SYCE3: variants seen among roughly 807,000 people sequenced by gnomAD.
SYCE3 encodes the protein synaptonemal complex central element protein 3.
A neutral mutation model predicts 8.1 loss-of-function variants in SYCE3; 3 were observed. That is an observed-to-expected ratio of 0.37 (90% CI 0.17 to 0.96). The LOEUF (loss-of-function observed/expected upper bound fraction) is 0.96. Among genes scored for constraint, SYCE3 ranks in the 40% least tolerant of loss-of-function variants. SYCE3 has a pLI of 0.41. For missense variants in SYCE3, 83 were observed against 110.0 expected, an observed-to-expected ratio of 0.75 and a Z score of 1.10; for synonymous variants, 36 against 38.7, an observed-to-expected ratio of 0.93 and a Z score of 0.26.
In SYCE3 at chr22:50,551,229, G is replaced by A. The variant is rs1248529671; in HGVS notation, c.*16C>T. On this transcript the variant is annotated 3_prime_UTR_variant, in exon 3 of 3. Transcript: ENST00000406915. ...GGGCAGAGGGTGGCATGGCAGCTGT[G>A]GTGGGCCAGTGGGGCCTACAGCCTT... 6.5e-7 allele frequency: 1 copy of A among 1,550,316 alleles called. No homozygotes were observed. The highest frequency in any genetic ancestry group is 2.0e-5 in the Admixed American group (1 of 50,956).
chr22:50,555,984 GA>G (rs1212010687), intron 2 of SYCE3, among the ~76,000 whole-genome samples: 1 of 151,926 alleles, frequency 6.6e-6, no homozygotes, highest in African/African-American at 2.4e-5. Context: ...TAGTAGAGAC[GA>G]GGTTTTACTG....
chr22:50,559,539 T>A (rs763301750), intron 1 of SYCE3, among the ~76,000 whole-genome samples: 1 of 152,120 alleles, frequency 6.6e-6, no homozygotes, highest in African/African-American at 2.4e-5. Flanking sequence ...GTGTTGAGAA[T>A]AGACTAAGGG....
intron 2 of SYCE3, among the ~76,000 whole-genome samples, chr22:50,553,806 C>T (rs2069832866): frequency 6.6e-6 from 1 of 152,102 alleles, no homozygotes; most frequent in Non-Finnish European, 1.5e-5. Context: ...TGGTCTCAAA[C>T]TCCTGACCTT....
chr22:50,551,527 A>C (rs1379646548), intron 2 of SYCE3, 125 bp from the exon 3 acceptor site: 2 of 1,014,362 alleles, frequency 2.0e-6, no homozygotes. Flanking sequence ...TGAGGCACCC[A>C]ATTACTCTAG....
chr22:50,555,089 T>G (rs972390686), intron 2 of SYCE3, among the ~76,000 whole-genome samples: 1 of 119,510 alleles, frequency 8.4e-6, no homozygotes, highest in Non-Finnish European at 1.7e-5. Flanking sequence ...GCCACTGTAC[T>G]CCAGCCTGGG....
chr22:50,559,370 C>T (rs184958464), intron 1 of SYCE3, among the ~76,000 whole-genome samples: 28 of 152,206 alleles, frequency 1.8e-4, no homozygotes, highest in Middle Eastern at 3.4e-3. Context: ...TCAGGTGATC[C>T]GCCTGCTTCG....
intron 1 of SYCE3, among the ~76,000 whole-genome samples, chr22:50,560,538 C>T (rs1482805312): frequency 7.0e-6 from 1 of 143,614 alleles, no homozygotes; most frequent in African/African-American, 2.5e-5. Context: ...TTCAGGAGAG[C>T]CATAAAAGTA....
At chr22:50,560,314 C>T (rs540402262) in intron 1 of SYCE3, among the ~76,000 whole-genome samples, 2 of 152,224 alleles carry the variant, frequency 1.3e-5, no homozygotes, top group East Asian at 3.9e-4. Flanking sequence ...GCCCGGGCAA[C>T]AGTCTCTACA....
rs867488763 is a variant in SYCE3, at chr22:50,558,190, G to A, written c.1-1785C>T. 4.6e-5 allele frequency among the ~76,000 whole-genome samples: 7 copies of A among 152,200 alleles called. 1 individual carries two copies. The South Asian group carries it at 1.0e-3, about 22-fold the overall frequency. On this transcript the variant is annotated intron_variant, in intron 1 of 2. Transcript: ENST00000406915. The stretch of plus-strand genomic sequence containing the variant: ...TGTAATCCCAACACTTTGGGAGGCC[G>A]AGGTGGGTGGATCACCTGAGGTCAG...
At chr22:50,560,875 G>T (rs558363921) in intron 1 of SYCE3, among the ~76,000 whole-genome samples, 1 of 152,174 alleles carries the variant, frequency 6.6e-6, no homozygotes, top group Non-Finnish European at 1.5e-5. Context: ...GATGGCAAGG[G>T]GGGGATTTCA....
intron 1 of SYCE3, among the ~76,000 whole-genome samples, chr22:50,556,977 T>G (rs2069866056): frequency 6.6e-6 from 1 of 151,992 alleles, no homozygotes; most frequent in Non-Finnish European, 1.5e-5. Flanking sequence ...TTAAAAAAAA[T>G]TATAATCAAC....
intron 2 of SYCE3, among the ~76,000 whole-genome samples, chr22:50,554,824 C>T (rs2069843532): frequency 6.7e-6 from 1 of 150,316 alleles, no homozygotes; most frequent in Non-Finnish European, 1.5e-5. Context: ...GAAACCCTGT[C>T]TCTATTAAAA....
chr22:50,554,242 G>T (rs1206416320), intron 2 of SYCE3, among the ~76,000 whole-genome samples: 3 of 150,318 alleles, frequency 2.0e-5, no homozygotes, highest in African/African-American at 7.3e-5. Flanking sequence ...TGGCATGCCA[G>T]ATGGGTTAGG....
chr22:50,562,595 GA>G (rs1035736147), intron 1 of SYCE3, among the ~76,000 whole-genome samples: 2 of 91,432 alleles, frequency 2.2e-5, no homozygotes, highest in Non-Finnish European at 4.5e-5. Flanking sequence ...GAGGCGGGGT[GA>G]GGGGTGAGGG....
At chr22:50,559,842 C>T (rs2069896943) in intron 1 of SYCE3, among the ~76,000 whole-genome samples, 1 of 152,136 alleles carries the variant, frequency 6.6e-6, no homozygotes, top group Non-Finnish European at 1.5e-5. Flanking sequence ...GCAGAAGAAT[C>T]CCTTGAACCC....
At chr22:50,557,314 G>A (rs560715822) in intron 1 of SYCE3, among the ~76,000 whole-genome samples, 3 of 151,928 alleles carry the variant, frequency 2.0e-5, no homozygotes, top group South Asian at 2.1e-4. Context: ...GTGCCACCAC[G>A]CCCGGCTAAT....
At chr22:50,556,467 T>G in intron 1 of SYCE3, 62 bp from the exon 2 acceptor site, 1 of 1,143,694 alleles carries the variant, frequency 8.7e-7, no homozygotes, top group South Asian at 1.4e-5. Flanking sequence ...CCAGCTCCAC[T>G]GGTTATAACT....
intron 1 of SYCE3, among the ~76,000 whole-genome samples, chr22:50,561,446 T>A (rs568902047): frequency 4.8e-5 from 7 of 145,912 alleles, no homozygotes; most frequent in African/African-American, 1.8e-4. Context: ...TGGGAACGGG[T>A]GGAGAAAGAG....
intron 2 of SYCE3, among the ~76,000 whole-genome samples, chr22:50,555,258 G>A (rs968864770): frequency 6.6e-6 from 1 of 152,226 alleles, no homozygotes; most frequent in Non-Finnish European, 1.5e-5. Flanking sequence ...TAACTGATAC[G>A]TGTCTCAGCT....
Sources: gnomAD v4.1 joint callset for allele counts (sites outside exome capture counted in the v4.1 genomes callset) on GRCh38, gnomAD v4.1.1 for gene constraint, MANE v1.5 for transcripts, NCBI Gene and HGNC (gene_info 2026-07-23, HGNC 2026-07-21) for gene names.